CNTN4: variants seen among roughly 807,000 people sequenced by gnomAD.
CNTN4 encodes contactin 4.
CNTN4 carries 77 observed loss-of-function variants against 122.5 expected under a neutral mutation model. The observed-to-expected ratio is 0.63, with a 90% CI of 0.52 to 0.76. The LOEUF (loss-of-function observed/expected upper bound fraction) is 0.76, where lower values mean the gene tolerates loss of function less well. Among genes scored for constraint, CNTN4 ranks in the 30% least tolerant of loss-of-function variants. The probability of loss-of-function intolerance (pLI) is 0.00; values close to 1 mark genes in which losing one functional copy is unlikely to be tolerated. For synonymous variants in CNTN4, 512 were observed against 447.0 expected, an observed-to-expected ratio of 1.15 and a Z score of -1.83; for missense variants, 1,256 against 1,259.1, an observed-to-expected ratio of 1.00 and a Z score of 0.04.
At chr3:2,555,562 T>G (rs2078685372) in intron 3 of CNTN4, among the ~76,000 whole-genome samples, 1 of 152,144 alleles carries the variant, frequency 6.6e-6, no homozygotes, top group Non-Finnish European at 1.5e-5. Flanking sequence ...TACTAAACTG[T>G]TATTATGAAA....
intron 2 of CNTN4, among the ~76,000 whole-genome samples, chr3:2,121,905 C>T (rs1482153357): frequency 3.3e-5 from 5 of 152,066 alleles, no homozygotes; most frequent in Admixed American, 2.6e-4. Flanking sequence ...CTTTATCACA[C>T]CTGTAATCCC....
rs552476648 is a variant in CNTN4 at position 2,895,905 on chromosome 3, C to T, written c.941-4780C>T. On this transcript the variant is annotated intron_variant, in intron 10 of 24. Coordinates refer to ENST00000418658, the MANE Select transcript of CNTN4 (RefSeq NM_175607.3). ...AAAATTAGCCGAGCGTGGTGGCGGG[C>T]GCCTGTGGTCCCAGCTACTCGGGAG... 9.9e-5 allele frequency among the ~76,000 whole-genome samples: 15 copies of T among 152,156 alleles called. No homozygotes were observed. In the East Asian group the frequency reaches 1.9e-3, roughly 20 times the overall value.
chr3:2,549,640 G>A (rs2078398784), intron 3 of CNTN4, among the ~76,000 whole-genome samples: 1 of 152,054 alleles, frequency 6.6e-6, no homozygotes, highest in Admixed American at 6.6e-5. Context: ...TGTTCAGCAG[G>A]GATATTGGCC....
chr3:2,881,022 A>C (rs974772950), intron 8 of CNTN4, among the ~76,000 whole-genome samples: 1 of 151,902 alleles, frequency 6.6e-6, no homozygotes, highest in East Asian at 1.9e-4. Context: ...CAAATCCAAC[A>C]CTCCTCATCA....
At chr3:2,939,714 T>G (rs562209192) in intron 13 of CNTN4, among the ~76,000 whole-genome samples, 3 of 152,218 alleles carry the variant, frequency 2.0e-5, no homozygotes, top group African/African-American at 7.2e-5. Context: ...GAAAGAATGG[T>G]TTCTTAATGC....
At chr3:3,053,316 T>C (rs1286234959) in intron 23 of CNTN4, among the ~76,000 whole-genome samples, 1 of 152,230 alleles carries the variant, frequency 6.6e-6, no homozygotes, top group Non-Finnish European at 1.5e-5. Context: ...ACTATAGGCA[T>C]GGGCCACTGC....
At chr3:2,316,122 G>T (rs2043089350) in intron 2 of CNTN4, among the ~76,000 whole-genome samples, 1 of 151,940 alleles carries the variant, frequency 6.6e-6, no homozygotes, top group Non-Finnish European at 1.5e-5. Context: ...ATGAACACAG[G>T]TTCTATTTTT....
In CNTN4 at chr3:2,339,169, T is replaced by C. The variant is rs1407406861; in HGVS notation, c.-144-9T>C. The C allele has an allele frequency of 6.6e-6, 1 of 152,176 alleles. No individual in the cohort carries two copies. Among genetic ancestry groups the C allele is most frequent in the Non-Finnish European group, 1.5e-5 (1 of 68,022 alleles). 9.4% of individuals were successfully genotyped at this position (152,176 alleles called of 1,614,324 possible). ...GTATTTATTTGTGTATTTTTTCTTT[T>C]TATTCTAGGAATCATTGACATAGAG... On this transcript the variant is annotated splice_polypyrimidine_tract_variant and intron_variant, in intron 2 of 24. Transcript: ENST00000418658.
Position 2,717,200 on chromosome 3 carries a change from A to G in CNTN4, c.56-19015A>G, listed in dbSNP as rs139441362. 9.0e-3 allele frequency among the ~76,000 whole-genome samples: 1,364 copies of G among 152,282 alleles called. 10 individuals are homozygous for G. Among genetic ancestry groups the G allele is most frequent in the African/African-American group, 0.031 (1,296 of 41,560 alleles). On this transcript the variant is annotated intron_variant, in intron 4 of 24. Transcript: ENST00000418658. ...TTTAAAAGGTTGGCCCTTTATTGGC[A>G]TGTGGAAACCTGGATTTCAGTAGGG...
chr3:2,879,769 T>G (rs2093885777), intron 8 of CNTN4, among the ~76,000 whole-genome samples: 1 of 152,166 alleles, frequency 6.6e-6, no homozygotes, highest in Non-Finnish European at 1.5e-5. Context: ...TAGATTGTGG[T>G]GATAGTTGCA....
chr3:2,526,081 A>C (rs1037822782), intron 3 of CNTN4, among the ~76,000 whole-genome samples: 1 of 152,122 alleles, frequency 6.6e-6, no homozygotes, highest in African/African-American at 2.4e-5. Context: ...CTGTACATTT[A>C]GTGAGTTTCT....
intron 6 of CNTN4, among the ~76,000 whole-genome samples, chr3:2,746,697 C>T (rs776920858): frequency 6.6e-6 from 1 of 152,190 alleles, no homozygotes; most frequent in Non-Finnish European, 1.5e-5. Context: ...TACCTAATAT[C>T]CAGTTCCTAA....
At chr3:2,767,099 C>CA (rs1559481154) in intron 6 of CNTN4, among the ~76,000 whole-genome samples, 1 of 151,502 alleles carries the variant, frequency 6.6e-6, no homozygotes, top group East Asian at 1.9e-4. Context: ...TATTAGATCT[C>CA]AAAAAAAATA....
At chr3:2,117,765 G>A (rs549744196) in intron 2 of CNTN4, among the ~76,000 whole-genome samples, 42 of 152,196 alleles carry the variant, frequency 2.8e-4, no homozygotes, top group Admixed American at 1.8e-3. Context: ...AAAATTTCCC[G>A]GGTGATTTTA....
intron 14 of CNTN4, among the ~76,000 whole-genome samples, chr3:2,994,988 G>C (rs1695403504): frequency 6.6e-6 from 1 of 152,096 alleles, no homozygotes; most frequent in Non-Finnish European, 1.5e-5. Flanking sequence ...TTATTTCTGG[G>C]TGATAATTAA....
intron 8 of CNTN4, among the ~76,000 whole-genome samples, chr3:2,876,157 C>A (rs2093842296): frequency 6.6e-6 from 1 of 152,156 alleles, no homozygotes; most frequent in Non-Finnish European, 1.5e-5. Context: ...CCTTGAGATA[C>A]CTTGCCTCTC....
chr3:2,466,694 T>C (rs2075509295), intron 3 of CNTN4, among the ~76,000 whole-genome samples: 1 of 152,190 alleles, frequency 6.6e-6, no homozygotes, highest in Admixed American at 6.5e-5. Context: ...ACTATTGTTT[T>C]CATGATGAAG....
chr3:2,628,188 A>T (rs1042782182), intron 4 of CNTN4, among the ~76,000 whole-genome samples: 2 of 152,300 alleles, frequency 1.3e-5, no homozygotes, highest in Middle Eastern at 3.4e-3. Flanking sequence ...TCAGCATATT[A>T]AGACAGTTTT....
intron 2 of CNTN4, among the ~76,000 whole-genome samples, chr3:2,282,109 G>A (rs767826813): frequency 1.1e-4 from 17 of 151,792 alleles, no homozygotes; most frequent in Non-Finnish European, 2.4e-4. Context: ...TTTATACTTT[G>A]TTTTCTAGGA....
Sources: gnomAD v4.1 joint callset for allele counts (sites outside exome capture counted in the v4.1 genomes callset) on GRCh38, gnomAD v4.1.1 for gene constraint, MANE v1.5 for transcripts, NCBI Gene and HGNC (gene_info 2026-07-23, HGNC 2026-07-21) for gene names.